Variants in EXOC4 observed in about 807,000 individuals in gnomAD.
EXOC4 encodes SEC8-like 1.
In EXOC4, 71 loss-of-function variants were observed where a neutral mutation model predicts 107.2. The observed-to-expected ratio is 0.66, with a 90% CI of 0.55 to 0.81. The LOEUF (loss-of-function observed/expected upper bound fraction) is 0.81. EXOC4 is among the 30% of genes least tolerant of loss of function. The pLI is 0.00. For synonymous variants in EXOC4, 456 were observed against 441.2 expected (o/e 1.03, Z -0.42); for missense variants, 1,108 against 1,189.6 (o/e 0.93, Z 1.01).
intron 8 of EXOC4, among the ~76,000 whole-genome samples, chr7:133,475,804 G>A (rs187481940): frequency 3.5e-4 from 53 of 152,184 alleles, no homozygotes; most frequent in Non-Finnish European, 5.9e-4. Flanking sequence ...TATTAGCCTT[G>A]AAAAGGCCCC....
At chr7:133,400,377 C>G (rs1413217384) in intron 7 of EXOC4, among the ~76,000 whole-genome samples, 2 of 152,142 alleles carry the variant, frequency 1.3e-5, no homozygotes, top group African/African-American at 4.8e-5. Flanking sequence ...ATTTGATGGG[C>G]TGCTCACTCT....
intron 9 of EXOC4, among the ~76,000 whole-genome samples, chr7:133,612,682 C>T (rs1341775584): frequency 1.3e-5 from 2 of 152,192 alleles, no homozygotes; most frequent in East Asian, 3.9e-4. Context: ...ATTAGGAGGC[C>T]AGTAATGCAG....
At chr7:133,445,888 T>C (rs1229477676) in intron 7 of EXOC4, among the ~76,000 whole-genome samples, 1 of 151,916 alleles carries the variant, frequency 6.6e-6, no homozygotes, top group East Asian at 1.9e-4. Flanking sequence ...TGGTGGCGCA[T>C]GCCTGCAGTC....
At chr7:133,347,870 A>G (rs949755769) in intron 5 of EXOC4, among the ~76,000 whole-genome samples, 1 of 152,322 alleles carries the variant, frequency 6.6e-6, no homozygotes, top group Admixed American at 6.5e-5. Flanking sequence ...CTTCGAAACT[A>G]GGTTTGAGAA....
intron 11 of EXOC4, among the ~76,000 whole-genome samples, chr7:133,860,236 G>A (rs182183245): frequency 6.6e-6 from 1 of 152,306 alleles, no homozygotes; most frequent in Non-Finnish European, 1.5e-5. Flanking sequence ...AATCTGAAAT[G>A]TGCCTCAGAA....
At chr7:133,381,255 C>T (rs534669048) in intron 7 of EXOC4, among the ~76,000 whole-genome samples, 3 of 42,060 alleles carry the variant, frequency 7.1e-5, no homozygotes, top group South Asian at 2.4e-3. Flanking sequence ...TCAGGTTATA[C>T]AGTACTGAGT....
intron 9 of EXOC4, among the ~76,000 whole-genome samples, chr7:133,558,544 A>G (rs1800747239): frequency 6.6e-6 from 1 of 152,184 alleles, no homozygotes; most frequent in African/African-American, 2.4e-5. Flanking sequence ...AACGTGTTTA[A>G]TCTACTCCCT....
At chr7:133,562,013 T>A (rs1185485698) in intron 9 of EXOC4, among the ~76,000 whole-genome samples, 1 of 152,214 alleles carries the variant, frequency 6.6e-6, no homozygotes, top group African/African-American at 2.4e-5. Flanking sequence ...ATTTAGAGGT[T>A]TGGTGATGTT....
chr7:133,394,192 A>G (rs560083965), intron 7 of EXOC4, among the ~76,000 whole-genome samples: 2 of 152,354 alleles, frequency 1.3e-5, no homozygotes, highest in South Asian at 2.1e-4. Flanking sequence ...GGGTGTGACA[A>G]TAATAGATTT....
intron 15 of EXOC4, among the ~76,000 whole-genome samples, chr7:134,003,373 G>A (rs193273781): frequency 6.6e-5 from 10 of 152,228 alleles, no homozygotes; most frequent in African/African-American, 1.9e-4. Context: ...TTCTGGTGGT[G>A]GTTATATGAT....
At chr7:133,729,205 C>T (rs1000411112) in intron 10 of EXOC4, among the ~76,000 whole-genome samples, 6 of 151,988 alleles carry the variant, frequency 3.9e-5, no homozygotes, top group South Asian at 2.1e-4. Flanking sequence ...AATTTAGTTG[C>T]GAACTAAAAA....
At chr7:133,799,718 A>C (rs1299773035) in intron 10 of EXOC4, among the ~76,000 whole-genome samples, 1 of 152,178 alleles carries the variant, frequency 6.6e-6, no homozygotes, top group African/African-American at 2.4e-5. Context: ...TGAGAAATGA[A>C]ATATACTGTG....
At chr7:133,940,990 A>G (rs1800413484) in intron 14 of EXOC4, among the ~76,000 whole-genome samples, 2 of 151,964 alleles carry the variant, frequency 1.3e-5, no homozygotes, top group South Asian at 4.1e-4. Flanking sequence ...ATAGGGTGGA[A>G]AAAGTTTGCA....
intron 7 of EXOC4, among the ~76,000 whole-genome samples, chr7:133,411,477 A>G (rs1165447724): frequency 6.6e-6 from 1 of 152,166 alleles, no homozygotes; most frequent in Non-Finnish European, 1.5e-5. Flanking sequence ...TAAACATGCT[A>G]TTAATAAGAA....
chr7:133,292,110 T>G (rs913030773), intron 3 of EXOC4, among the ~76,000 whole-genome samples: 1 of 152,166 alleles, frequency 6.6e-6, no homozygotes, highest in African/African-American at 2.4e-5. Flanking sequence ...TTTGGGAGGC[T>G]GAGGTGGGCA....
intron 5 of EXOC4, among the ~76,000 whole-genome samples, chr7:133,353,354 G>A (rs1795952892): frequency 6.6e-6 from 1 of 152,136 alleles, no homozygotes; most frequent in Non-Finnish European, 1.5e-5. Context: ...TGTTTACTTG[G>A]CAATGTCTTA....
chr7:133,275,280 A>T (rs922648206), intron 2 of EXOC4, 109 bp downstream of exon 2: 1 of 906,776 alleles, frequency 1.1e-6, no homozygotes, highest in Admixed American at 3.4e-5. Context: ...AAGTGATTCA[A>T]AATGCCACTT....
intron 14 of EXOC4, among the ~76,000 whole-genome samples, chr7:133,979,758 A>C (rs1384050338): frequency 6.6e-6 from 1 of 152,062 alleles, no homozygotes; most frequent in East Asian, 1.9e-4. Context: ...ACTGCACTCC[A>C]GCCTGGGCGA....
At chr7:133,520,248 A>G (rs563098604) in intron 9 of EXOC4, among the ~76,000 whole-genome samples, 6 of 152,290 alleles carry the variant, frequency 3.9e-5, no homozygotes, top group Admixed American at 3.3e-4. Flanking sequence ...CTGAGCATGT[A>G]TCTTATTCCT....
Sources: allele counts gnomAD v4.1 joint callset (sites outside exome capture counted in the v4.1 genomes callset), GRCh38; gene constraint gnomAD v4.1.1; transcripts MANE v1.5; gene names NCBI Gene and HGNC (gene_info 2026-07-23, HGNC 2026-07-21).